Variants in ATP11C observed in about 807,000 individuals in gnomAD.
The protein encoded by ATP11C is phospholipid-transporting ATPase IG.
ATP11C carries 36 observed loss-of-function variants against 97.4 expected under a neutral mutation model. That is an observed-to-expected ratio of 0.37 (90% confidence interval 0.28 to 0.49). The LOEUF is 0.49. Ranked by LOEUF, ATP11C falls within the 20% of genes least tolerant of loss-of-function variation. The probability of loss-of-function intolerance (pLI) is 0.98; values close to 1 mark genes in which losing one functional copy is unlikely to be tolerated. For missense variants in ATP11C, 730 were observed against 824.6 expected (o/e 0.89, Z 1.40); for synonymous variants, 275 against 290.9 (o/e 0.95, Z 0.56).
At chrX:139,902,303 C>A (rs1223912484) in intron 1 of ATP11C, among the ~76,000 whole-genome samples, 3 of 111,089 alleles carry the variant, frequency 2.7e-5, no homozygotes, top group Admixed American at 1.9e-4. Context: ...ACCTTGCACA[C>A]ATATCATCAG....
At chrX:139,739,056 G>A (rs1158364930) in intron 27 of ATP11C, among the ~76,000 whole-genome samples, 1 of 111,378 alleles carries the variant, frequency 9.0e-6, no homozygotes, top group African/African-American at 3.3e-5. Context: ...ATAAAAGTGA[G>A]AACAGGAAGG....
At chrX:139,765,454 T>C (rs867224541) in intron 20 of ATP11C, among the ~76,000 whole-genome samples, 12 of 111,912 alleles carry the variant, frequency 1.1e-4, no homozygotes, top group Admixed American at 2.8e-4. Context: ...ATGTATGATA[T>C]TGTCATCCAT....
intron 1 of ATP11C, among the ~76,000 whole-genome samples, chrX:139,907,560 A>G (rs994055379): frequency 9.1e-6 from 1 of 110,110 alleles, no homozygotes; most frequent in African/African-American, 3.3e-5. Context: ...CATCCTGGCT[A>G]ACACGGTGAA....
intron 29 of ATP11C, 141 bp downstream of exon 29, chrX:139,731,510 T>G: frequency 4.0e-6 from 1 of 249,823 alleles, no homozygotes; most frequent in East Asian, 6.3e-5. Flanking sequence ...AAGTAATGCA[T>G]CTTTATATTT....
chrX:139,765,492 G>A (rs1409544142), intron 20 of ATP11C, among the ~76,000 whole-genome samples: 1 of 112,017 alleles, frequency 8.9e-6, no homozygotes, highest in Non-Finnish European at 1.9e-5. Flanking sequence ...GTCAGAGAAG[G>A]GAGAAGATAC....
upstream of ATP11C, among the ~76,000 whole-genome samples, chrX:139,934,121 A>G (rs959361203): frequency 4.5e-5 from 5 of 111,877 alleles, no homozygotes; most frequent in Admixed American, 1.9e-4. Context: ...GGTCGGTGAA[A>G]AAGCGCAGGA....
At chrX:139,739,314 T>G (rs1398557476) in intron 27 of ATP11C, among the ~76,000 whole-genome samples, 2 of 109,546 alleles carry the variant, frequency 1.8e-5, no homozygotes, top group African/African-American at 3.3e-5. Flanking sequence ...AACCTCCATG[T>G]CATCTATGGA....
rs1165208974 is a variant in ATP11C, at chrX:139,730,350, G to A, written c.*3+1301C>T. ...TAAAATGCATCACACAGCTTAGAACGAGGCAATCTGGGACAAAGGGGTCAA... is the reference window on the plus strand; with the variant it reads ...TAAAATGCATCACACAGCTTAGAACAAGGCAATCTGGGACAAAGGGGTCAA... On this transcript the variant is annotated intron_variant, in intron 29 of 29. Coordinates refer to ENST00000682941, the MANE Select transcript of ATP11C (RefSeq NM_001353812.2). Among the ~76,000 whole-genome samples, 64 of 109,724 alleles carry A rather than the reference G, an allele frequency of 5.8e-4. No individual in the cohort carries two copies. The Admixed American group carries it at 6.2e-3, about 11-fold the overall frequency.
chrX:139,779,758 C>CA, intron 18 of ATP11C, among the ~76,000 whole-genome samples: 1 of 110,374 alleles, frequency 9.1e-6, no homozygotes, highest in Middle Eastern at 4.7e-3. Context: ...AAATTGAGAC[C>CA]AAAAAAATCA....
At chrX:139,912,883 G>A (rs1310066072) in intron 1 of ATP11C, among the ~76,000 whole-genome samples, 2 of 111,428 alleles carry the variant, frequency 1.8e-5, no homozygotes, top group Admixed American at 1.9e-4. Context: ...TCAAGGTCTG[G>A]GGTCTAACCT....
rs2082178400 is a variant in ATP11C at position 139,768,278 on chromosome X, T to C, written c.2373A>G (p.Ala791=). 6 of 1,114,261 alleles carry C rather than the reference T, an allele frequency of 5.4e-6. No individual in the cohort carries two copies. The South Asian group carries it at 1.3e-4, about 25-fold the overall frequency. The allele number at this position is 1,114,261 out of a possible 1,213,427, so 91.8% of individuals were successfully genotyped here. A position where few individuals can be genotyped will look rare whatever the true frequency, so the allele number is the denominator to read the frequency against. The change falls in exon 20 of 30, where the codon GCA becomes GCG. Residue 791 remains alanine, a synonymous_variant. Transcript: ENST00000682941. ...KCTAVLCCRM[A]PLQKAQIVRM... is the part of the protein sequence containing the mutation. ...CAGTTACCTGGGCTTTCTGTAATGG[T>C]GCCATCCGACAGCAGAGCACTGCAG...
intron 1 of ATP11C, among the ~76,000 whole-genome samples, chrX:139,900,266 G>A (rs2084876572): frequency 9.2e-6 from 1 of 108,649 alleles, no homozygotes; most frequent in Admixed American, 9.9e-5. Context: ...CTACTTGGGA[G>A]GCTGAGGCAG....
At chrX:139,769,894 C>G (rs2148689993) in intron 19 of ATP11C, among the ~76,000 whole-genome samples, 1 of 112,070 alleles carries the variant, frequency 8.9e-6, no homozygotes, top group South Asian at 3.7e-4. Context: ...AATGGAGCTG[C>G]TATTCTATAG....
chrX:139,872,827 G>A (rs182095091), intron 1 of ATP11C, among the ~76,000 whole-genome samples: 71 of 111,891 alleles, frequency 6.3e-4, no homozygotes, highest in African/African-American at 2.1e-3. Context: ...TAAAGTTACT[G>A]AGCATAATGG....
intron 27 of ATP11C, among the ~76,000 whole-genome samples, 192 bp from the exon 28 acceptor site, chrX:139,738,261 T>C (rs988676513): frequency 8.9e-6 from 1 of 112,089 alleles, no homozygotes; most frequent in African/African-American, 3.2e-5. Context: ...AAAGGAATGA[T>C]AATCAAAGGA....
intron 22 of ATP11C, among the ~76,000 whole-genome samples, chrX:139,758,362 A>G (rs905386094): frequency 8.9e-6 from 1 of 111,910 alleles, no homozygotes; most frequent in African/African-American, 3.2e-5. Flanking sequence ...CTGAGCATCT[A>G]CTACACACAA....
intron 1 of ATP11C, among the ~76,000 whole-genome samples, chrX:139,900,808 T>C (rs1477825529): frequency 8.9e-6 from 1 of 112,339 alleles, no homozygotes; most frequent in Non-Finnish European, 1.9e-5. Flanking sequence ...CCAAGTGTTA[T>C]GAATGTTTGG....
intron 19 of ATP11C, among the ~76,000 whole-genome samples, chrX:139,772,326 G>A (rs1012057532): frequency 8.9e-6 from 1 of 112,332 alleles, no homozygotes; most frequent in Non-Finnish European, 1.9e-5. Flanking sequence ...GTTTGCTGCA[G>A]GGATGGGGCC....
At chrX:139,928,586 C>T (rs2085388518) in intron 1 of ATP11C, among the ~76,000 whole-genome samples, 1 of 111,820 alleles carries the variant, frequency 8.9e-6, no homozygotes, top group African/African-American at 3.2e-5. Flanking sequence ...AATTAGCTAC[C>T]TATTTCATTA....
Sources: gnomAD v4.1 joint callset for allele counts (sites outside exome capture counted in the v4.1 genomes callset) on GRCh38, gnomAD v4.1.1 for gene constraint, MANE v1.5 for transcripts, NCBI Gene and HGNC (gene_info 2026-07-23, HGNC 2026-07-21) for gene names.